CTNNA3: variants seen among roughly 807,000 people sequenced by gnomAD.
The protein encoded by CTNNA3 is catenin alpha 3, also known as catenin alpha-3.
CTNNA3 carries 76 observed loss-of-function variants against 95.7 expected under a neutral mutation model. The observed-to-expected ratio is 0.79, with a 90% CI of 0.66 to 0.96. CTNNA3 has a LOEUF of 0.96. CTNNA3 is among the 40% of genes least tolerant of loss of function. The probability of loss-of-function intolerance (pLI) is 0.00; values close to 1 mark genes in which losing one functional copy is unlikely to be tolerated. For synonymous variants in CTNNA3, 431 were observed against 374.4 expected (o/e 1.15, Z -1.74); for missense variants, 1,191 against 1,089.8 (o/e 1.09, Z -1.31).
intron 9 of CTNNA3, among the ~76,000 whole-genome samples, chr10:66,699,878 A>G (rs965928618): frequency 1.3e-5 from 2 of 151,922 alleles, no homozygotes; most frequent in Non-Finnish European, 2.9e-5. Context: ...GCTGGTCTCG[A>G]ACTCCCGACC....
chr10:66,173,188 A>G (rs1245380809), intron 13 of CTNNA3, among the ~76,000 whole-genome samples: 1 of 152,228 alleles, frequency 6.6e-6, no homozygotes, highest in East Asian at 1.9e-4. Context: ...ATTTACCATG[A>G]TAAGTGAGTT....
intron 7 of CTNNA3, 102 bp downstream of exon 7, chr10:67,180,215 C>G: frequency 1.0e-6 from 1 of 979,308 alleles, no homozygotes; most frequent in Non-Finnish European, 1.6e-6. Flanking sequence ...ATCACATACT[C>G]ATTTGTAATT....
intron 7 of CTNNA3, among the ~76,000 whole-genome samples, chr10:66,840,358 TCTCTCTCTCTCTCTCA>T (rs1245105672): frequency 6.2e-4 from 76 of 123,188 alleles, no homozygotes; most frequent in African/African-American, 2.4e-3. Context: ...TCTCTCTCTC[TCTCTCTCTCTCTCTCA>T]CACACACACA....
chr10:66,488,303 T>C (rs1839808074), intron 11 of CTNNA3, among the ~76,000 whole-genome samples: 3 of 152,310 alleles, frequency 2.0e-5, no homozygotes, highest in African/African-American at 4.8e-5. Context: ...CCCTCATGCA[T>C]GGACATAGAT....
intron 11 of CTNNA3, among the ~76,000 whole-genome samples, chr10:66,463,673 A>G (rs1414134835): frequency 3.3e-5 from 5 of 152,070 alleles, no homozygotes; most frequent in Non-Finnish European, 7.4e-5. Context: ...AAGTTATGAG[A>G]CTCATGTATA....
rs192051005 is a variant in CTNNA3, at chr10:67,043,861, T to C, written c.1047+136456A>G. Among the ~76,000 whole-genome samples, 406 of 151,530 alleles carry C rather than the reference T, an allele frequency of 2.7e-3. 3 individuals carry two copies. The highest frequency in any genetic ancestry group is 9.3e-3 in the African/African-American group (385 of 41,386). ...ACTTTTTTTTCTGTTTACTTCTATATGCCCAACATTCTGTTCTGTAGGCAA... is the reference window on the plus strand; with the variant it reads ...ACTTTTTTTTCTGTTTACTTCTATACGCCCAACATTCTGTTCTGTAGGCAA... On this transcript the variant is annotated intron_variant, in intron 7 of 17. Transcript: ENST00000433211.
rs71035189 is a variant in CTNNA3, at chr10:66,840,323, ATCTCTC to A, written c.1048-64805_1048-64800del. On this transcript the variant is annotated intron_variant, in intron 7 of 17. Coordinates refer to ENST00000433211, the MANE Select transcript of CTNNA3 (RefSeq NM_013266.4). ...CCTGCATTTCTTCTTCCAAGAAGCC[ATCTCTC>A]TCTCTCTCTCTCTCTCTCTCTCTCT... 8.4e-3 allele frequency among the ~76,000 whole-genome samples: 760 copies of A among 90,528 alleles called. 9 individuals carry two copies. Among genetic ancestry groups the A allele is most frequent in the African/African-American group, 0.018 (448 of 24,410 alleles). 59.4% of individuals were successfully genotyped at this position (90,528 alleles called of 152,430 possible). A position where few individuals can be genotyped will look rare whatever the true frequency, so the allele number is the denominator to read the frequency against.
intron 7 of CTNNA3, among the ~76,000 whole-genome samples, chr10:66,780,368 C>G (rs957060940): frequency 6.8e-6 from 1 of 146,766 alleles, no homozygotes; most frequent in Non-Finnish European, 1.5e-5. Context: ...CAATGGCAGT[C>G]AGGATAAAGA....
At chr10:67,276,210 T>C (rs1839177576) in intron 5 of CTNNA3, among the ~76,000 whole-genome samples, 1 of 152,154 alleles carries the variant, frequency 6.6e-6, no homozygotes, top group East Asian at 1.9e-4. Flanking sequence ...GGACAGCCTA[T>C]CCATTATAAC....
At chr10:65,934,215 C>T (rs905489254) in intron 17 of CTNNA3, among the ~76,000 whole-genome samples, 2 of 152,164 alleles carry the variant, frequency 1.3e-5, no homozygotes, top group African/African-American at 4.8e-5. Context: ...ATCCCATTTT[C>T]ATTTCTCTAT....
At chr10:66,639,586 T>C (rs1317615945) in intron 9 of CTNNA3, among the ~76,000 whole-genome samples, 1 of 152,176 alleles carries the variant, frequency 6.6e-6, no homozygotes, top group Non-Finnish European at 1.5e-5. Context: ...TGGAAACACA[T>C]CACATATTTT....
chr10:66,256,539 G>A (rs1470944520), intron 13 of CTNNA3, among the ~76,000 whole-genome samples: 1 of 152,038 alleles, frequency 6.6e-6, no homozygotes, highest in Non-Finnish European at 1.5e-5. Flanking sequence ...GGCCAACATG[G>A]AGAAACCCCG....
intron 10 of CTNNA3, among the ~76,000 whole-genome samples, chr10:66,558,263 T>A (rs1842450723): frequency 6.6e-6 from 1 of 152,118 alleles, no homozygotes. Context: ...ATCTCTCCGG[T>A]TGCCAACTCC....
At chr10:67,665,731 AGGG>A (rs1247223618) in intron 1 of CTNNA3, 1 of 152,302 alleles carries the variant, frequency 6.6e-6, no homozygotes, top group Admixed American at 6.5e-5. Context: ...CCAAGCAAGA[AGGG>A]GGGATGGGTG....
chr10:66,140,809 G>A (rs1246463445), intron 13 of CTNNA3, among the ~76,000 whole-genome samples: 6 of 152,142 alleles, frequency 3.9e-5, no homozygotes, highest in African/African-American at 1.4e-4. Context: ...TTAATTGCTT[G>A]GATAGTTCAT....
intron 9 of CTNNA3, among the ~76,000 whole-genome samples, chr10:66,744,789 C>T (rs1421888813): frequency 6.6e-6 from 1 of 152,050 alleles, no homozygotes; most frequent in Non-Finnish European, 1.5e-5. Context: ...GTAATTAAGC[C>T]TCTTTTGTGT....
chr10:66,922,722 C>A (rs1846854535), intron 7 of CTNNA3, among the ~76,000 whole-genome samples: 1 of 152,122 alleles, frequency 6.6e-6, no homozygotes, highest in Admixed American at 6.5e-5. Flanking sequence ...TCATTATGAA[C>A]ATTTTTCCTT....
Position 66,621,760 on chromosome 10 carries a change from A to T in CTNNA3, c.1306T>A (p.Ser436Thr). ...VEVANLACSM[S>T]TNEDGIKIVK... ...ATTTTAATTCCATCTTCATTTGTTG[A>T]CATGGAACAAGCAAGATTTGCCACC... The change falls in exon 10 of 18, where the codon TCA (serine) becomes ACA (threonine). Residue 436 changes from serine (S) to threonine (T), a missense_variant. By Grantham distance (58) the Ser-to-Thr change is moderately conservative. Transcript: ENST00000433211. The T allele has an allele frequency of 6.2e-7, 1 of 1,610,524 alleles. No homozygotes were observed. Among genetic ancestry groups the T allele is most frequent in the East Asian group, 2.2e-5 (1 of 44,708 alleles).
intron 7 of CTNNA3, among the ~76,000 whole-genome samples, chr10:67,045,214 T>C (rs951334149): frequency 5.3e-5 from 8 of 152,196 alleles, no homozygotes; most frequent in East Asian, 3.8e-4. Flanking sequence ...TTCTTAGTTC[T>C]TGAGATTACT....
Sources: gnomAD v4.1 joint callset for allele counts (sites outside exome capture counted in the v4.1 genomes callset) on GRCh38, gnomAD v4.1.1 for gene constraint, MANE v1.5 for transcripts, NCBI Gene and HGNC (gene_info 2026-07-23, HGNC 2026-07-21) for gene names.